The following MEGF8 variants were observed in gnomAD, a reference collection of about 807,000 sequenced individuals.
The protein encoded by MEGF8 is multiple epidermal growth factor-like domains protein 8.
MEGF8 carries 156 observed loss-of-function variants against 302.9 expected under a neutral mutation model. The observed-to-expected ratio is 0.52, with a 90% CI of 0.45 to 0.59. MEGF8 has a LOEUF of 0.59. MEGF8 is among the 20% of genes least tolerant of loss of function. The pLI is 0.00. For missense variants in MEGF8, 3,345 were observed against 3,964.5 expected (o/e 0.84, Z 4.20); for synonymous variants, 1,621 against 1,660.5 (o/e 0.98, Z 0.58).
intron 32 of MEGF8, 69 bp from the exon 33 acceptor site, chr19:42,362,021 G>A (rs992482288): frequency 9.5e-6 from 15 of 1,582,836 alleles, no homozygotes; most frequent in Non-Finnish European, 1.3e-5. Context: ...GGGCCTGCAG[G>A]ACAGTGTCTG....
Position 42,369,504 on chromosome 19 carries a change from G to T in MEGF8, c.6642-27G>T, listed in dbSNP as rs746048052. 6.3e-7 allele frequency: 1 copy of T among 1,592,654 alleles called. No individual in the cohort carries two copies. The highest frequency in any genetic ancestry group is 1.1e-5 in the South Asian group (1 of 90,174). ...GAAGCCACGAGGAGGGTGGCCACCT[G>T]CCCTGACCCCCACTTTGCCCCTGCA... On this transcript the variant is annotated intron_variant, in intron 37 of 41. Transcript: ENST00000251268. This position sits in a 1 kb window ranked among gnomAD's most constrained non-coding sequence, Gnocchi z 5.7.
rs772336647 is a variant in MEGF8 at position 42,335,218 on chromosome 19, G to A, written c.739+3G>A. On this transcript the variant is annotated splice_donor_region_variant and intron_variant, in intron 4 of 41. Transcript: ENST00000251268. ...AGGGCTGCTGGCAGTTTTCGGAGGT[G>A]AGCAGATGGGGCGAGTATCTGGGAT... 64 of 1,613,920 alleles carry A rather than the reference G, an allele frequency of 4.0e-5. No individual in the cohort carries two copies. In the Admixed American group the frequency reaches 9.2e-4, roughly 23 times the overall value.
In MEGF8 at chr19:42,333,996, T is replaced by G; in HGVS notation, c.352-11T>G. 1 of 1,611,428 alleles carries G rather than the reference T, an allele frequency of 6.2e-7. No individual in the cohort carries two copies. The highest frequency in any genetic ancestry group is 8.5e-7 in the Non-Finnish European group (1 of 1,178,812). On this transcript the variant is annotated splice_polypyrimidine_tract_variant and intron_variant, in intron 2 of 41. Transcript: ENST00000251268. ...CCTGCCCACCTTACCCAGCACACCT[T>G]GTGCCCGCAGATGCTGCTGCACCTC...
At chr19:42,349,815 C>A in intron 14 of MEGF8, 116 bp downstream of exon 14, 2 of 1,124,634 alleles carry the variant, frequency 1.8e-6, no homozygotes, top group Non-Finnish European at 1.3e-6. Flanking sequence ...CCTCGGACTC[C>A]TTAACTCTTG....
Position 42,370,730 on chromosome 19 carries a change from T to C in MEGF8, c.7035T>C (p.Ser2345=), listed in dbSNP as rs1228504629. Residue 2345 remains serine (S), a synonymous_variant, in exon 40 of 42, where the codon AGT becomes AGC. Transcript: ENST00000251268. The part of the protein sequence containing the change: ...EIENWVTEGP[S]EDEAVCVNCQ... ...AAAACTGGGTGACAGAGGGTCCTAG[T>C]GAAGACGAGGCCGTGTGCGTGAACT... 6.9e-6 allele frequency: 11 copies of C among 1,590,756 alleles called. No individual in the cohort carries two copies. Among genetic ancestry groups the C allele is most frequent in the Non-Finnish European group, 8.6e-6 (10 of 1,168,722 alleles).
Position 42,351,736 on chromosome 19 carries a change from A to G in MEGF8, c.3076A>G (p.Asn1026Asp). The change falls in exon 18 of 42, where the codon AAT becomes GAT. Residue 1026 changes from asparagine to aspartate, a missense_variant. Coordinates refer to ENST00000251268, the MANE Select transcript of MEGF8 (RefSeq NM_001271938.2). The surrounding 1 kb of genome is among the most constrained non-coding windows in gnomAD (Gnocchi z 5.6). ...GAGCCACGAGTGTGGCTGGTGTGGCAATGAGGACAACCCCACACTGGGACG... is the reference window on the plus strand; with the variant it reads ...GAGCCACGAGTGTGGCTGGTGTGGCGATGAGGACAACCCCACACTGGGACG... ...LQSHECGWCG[N>D]EDNPTLGRCL... The G allele has an allele frequency of 6.3e-7, 1 of 1,583,018 alleles. No individual in the cohort carries two copies. The highest frequency in any genetic ancestry group is 8.6e-7 in the Non-Finnish European group (1 of 1,165,800).
Position 42,377,326 on chromosome 19 carries a change from A to T in MEGF8, c.*551A>T, listed in dbSNP as rs2039783151. 1 of 153,064 alleles carries T rather than the reference A, an allele frequency of 6.5e-6. No homozygotes were observed. The highest frequency in any genetic ancestry group is 1.5e-5 in the Non-Finnish European group (1 of 68,360). 9.5% of individuals were successfully genotyped at this position (153,064 alleles called of 1,614,324 possible). A position where few individuals can be genotyped will look rare whatever the true frequency, so the allele number is the denominator to read the frequency against. On this transcript the variant is annotated 3_prime_UTR_variant, in exon 42 of 42. Transcript: ENST00000251268. ...TTATTGGAAGGACCAGAAAACTGGTAAGTGTGACCCAGATCAAGTGTGAGG... is the reference window on the plus strand; with the variant it reads ...TTATTGGAAGGACCAGAAAACTGGTTAGTGTGACCCAGATCAAGTGTGAGG...
rs1307542625 is a variant in MEGF8 at position 42,351,211 on chromosome 19, C to T, written c.2737-5C>T. 2 of 1,555,760 alleles carry T rather than the reference C, an allele frequency of 1.3e-6. No homozygotes were observed. The highest frequency in any genetic ancestry group is 1.7e-6 in the Non-Finnish European group (2 of 1,149,702). On this transcript the variant is annotated splice_polypyrimidine_tract_variant and splice_region_variant and intron_variant, in intron 15 of 41. Transcript: ENST00000251268. The surrounding 1 kb of genome is among the most constrained non-coding windows in gnomAD (Gnocchi z 5.6). ...TTCTGACTCCTCTGCCCAACTGACC[C>T]CCAGGACCCCTTCTGTGAGTGGCAT... is the stretch of plus-strand genomic sequence containing the variant.
chr19:42,368,490 G>T lies in MEGF8; in HGVS notation c.6309G>T (p.Met2103Ile). Residue 2103 changes from methionine to isoleucine, a missense_variant, in exon 36 of 42, where the codon ATG (methionine) becomes ATT (isoleucine). Physicochemically the swap from Met to Ile is conservative, Grantham distance 10. Transcript: ENST00000251268. The surrounding 1 kb of genome is among the most constrained non-coding windows in gnomAD (Gnocchi z 4.9). ...CTTCCTACCTGCCCCTGCGATGTAT[G>T]GCCGGAGGCTGTGGGCGGCTGCTCC... ...LSPSYLPLRCMAGGCGRLLRG... is the reference protein window; with the variant it reads ...LSPSYLPLRCIAGGCGRLLRG... 6.2e-7 allele frequency: 1 copy of T among 1,610,084 alleles called. No individual in the cohort carries two copies. The highest frequency in any genetic ancestry group is 2.2e-5 in the East Asian group (1 of 44,776).
At chr19:42,362,627 G>C (rs1313477544) in intron 34 of MEGF8, 30 bp downstream of exon 34, 20 of 1,604,606 alleles carry the variant, frequency 1.2e-5, no homozygotes, top group Non-Finnish European at 1.7e-5. Flanking sequence ...CCTGAGAGGG[G>C]AGTCTTGGGG....
chr19:42,355,203 C>T (rs2039433533), intron 23 of MEGF8, among the ~76,000 whole-genome samples: 1 of 152,156 alleles, frequency 6.6e-6, no homozygotes, highest in South Asian at 2.1e-4. Context: ...GTGATTCGCC[C>T]ACCTTGGCCT....
chr19:42,358,336 T>C lies in MEGF8; in HGVS notation c.5175+29T>C, dbSNP rs768359862. 6.3e-7 allele frequency: 1 copy of C among 1,577,382 alleles called. No homozygotes were observed. The highest frequency in any genetic ancestry group is 8.6e-7 in the Non-Finnish European group (1 of 1,163,786). ...AGGAAAAGAGGCTCAGACCCAAGGA[T>C]GTATGGGGCAGGAGGGAGGGGTCCT... is the stretch of plus-strand genomic sequence containing the variant. On this transcript the variant is annotated intron_variant, in intron 29 of 41. Coordinates refer to ENST00000251268, the MANE Select transcript of MEGF8 (RefSeq NM_001271938.2). The surrounding 1 kb of genome is among the most constrained non-coding windows in gnomAD (Gnocchi z 4.4).
At position 42,353,872 on chromosome 19, in the gene MEGF8, C is replaced by T. The variant is rs758241653; in HGVS notation, c.3859C>T (p.Pro1287Ser). 1.2e-6 allele frequency: 2 copies of T among 1,600,870 alleles called. No homozygotes were observed. The highest frequency in any genetic ancestry group is 1.1e-5 in the South Asian group (1 of 89,152). The change falls in exon 22 of 42, where the codon CCT (proline) becomes TCT (serine). Residue 1287 changes from proline (P) to serine (S), a missense_variant. Transcript: ENST00000251268. This position sits in a 1 kb window ranked among gnomAD's most constrained non-coding sequence, Gnocchi z 6.1. ...CTCACGCCGGGTCGGGGGGCTGCTG[C>T]CTCCAGGTGGCGGGGCTGCAAGAGC... The part of the protein sequence containing the change: ...LGSRRVGGLL[P>S]PGGGAARAGP...
At chr19:42,373,324 C>G (rs975972651) in intron 41 of MEGF8, among the ~76,000 whole-genome samples, 3 of 151,960 alleles carry the variant, frequency 2.0e-5, no homozygotes, top group African/African-American at 7.2e-5. Flanking sequence ...ATCTCTTAAC[C>G]TTGTGATCTG....
chr19:42,369,517 C>G lies in MEGF8; in HGVS notation c.6642-14C>G. The G allele has an allele frequency of 6.3e-7, 1 of 1,598,772 alleles. No homozygotes were observed. The highest frequency in any genetic ancestry group is 8.5e-7 in the Non-Finnish European group (1 of 1,174,508). ...GGGTGGCCACCTGCCCTGACCCCCA[C>G]TTTGCCCCTGCAGCATGACAGGGCT... On this transcript the variant is annotated splice_polypyrimidine_tract_variant and intron_variant, in intron 37 of 41. Coordinates refer to ENST00000251268, the MANE Select transcript of MEGF8 (RefSeq NM_001271938.2). The surrounding 1 kb of genome is among the most constrained non-coding windows in gnomAD (Gnocchi z 5.7).
Position 42,353,734 on chromosome 19 carries a change from G to A in MEGF8, c.3762-41G>A, listed in dbSNP as rs375633772. On this transcript the variant is annotated intron_variant, in intron 21 of 41. Coordinates refer to ENST00000251268, the MANE Select transcript of MEGF8 (RefSeq NM_001271938.2). The surrounding 1 kb of genome is among the most constrained non-coding windows in gnomAD (Gnocchi z 6.1). ...TGTGCTTGGGGACACAGTGGGGAGG[G>A]TCAGGACTGGTCTGACACTGGCTCT... 2.7e-5 allele frequency: 43 copies of A among 1,577,814 alleles called. No homozygotes were observed. The highest frequency in any genetic ancestry group is 1.5e-4 in the Admixed American group (9 of 58,392).
rs141144661 is a variant in MEGF8 at position 42,368,115 on chromosome 19, A to G, written c.6274-340A>G. On this transcript the variant is annotated intron_variant, in intron 35 of 41. Coordinates refer to ENST00000251268, the MANE Select transcript of MEGF8 (RefSeq NM_001271938.2). The surrounding 1 kb of genome is among the most constrained non-coding windows in gnomAD (Gnocchi z 4.9). ...TTATATTTTGTAGAGATGGTGTCTC[A>G]CTGTGCTGCCCAGGCTGGTCTGGAA... Among the ~76,000 whole-genome samples the G allele has an allele frequency of 9.9e-5, 15 of 152,166 alleles. No homozygotes were observed. The East Asian group carries it at 2.9e-3, about 29-fold the overall frequency.
chr19:42,337,452 G>A (rs1323534003), intron 8 of MEGF8, among the ~76,000 whole-genome samples: 1 of 152,138 alleles, frequency 6.6e-6, no homozygotes, highest in East Asian at 1.9e-4. Flanking sequence ...AGCTGCCCCA[G>A]GGAAATGCCT....
rs771136518 is a variant in MEGF8 at position 42,368,986 on chromosome 19, G to A, written c.6625G>A (p.Gly2209Ser). ...PHGYECSCKTGYTMDNMTGLC... is the reference protein window; with the variant it reads ...PHGYECSCKTSYTMDNMTGLC... ...CGGCTATGAGTGCAGCTGCAAGACCGGCTATACCATGGACAAGTGAGGCCG... is the reference window on the plus strand; with the variant it reads ...CGGCTATGAGTGCAGCTGCAAGACCAGCTATACCATGGACAAGTGAGGCCG... Residue 2209 changes from glycine (G) to serine (S), a missense_variant, in exon 37 of 42, where the codon GGC (glycine) becomes AGC (serine). Physicochemically the swap from Gly to Ser is moderately conservative, Grantham distance 56. Coordinates refer to ENST00000251268, the MANE Select transcript of MEGF8 (RefSeq NM_001271938.2). This position sits in a 1 kb window ranked among gnomAD's most constrained non-coding sequence, Gnocchi z 4.9. The A allele has an allele frequency of 5.0e-6, 8 of 1,613,468 alleles. No homozygotes were observed. Among genetic ancestry groups the A allele is most frequent in the Non-Finnish European group, 5.9e-6 (7 of 1,179,872 alleles).
Sources: allele counts gnomAD v4.1 joint callset (sites outside exome capture counted in the v4.1 genomes callset), GRCh38; gene constraint gnomAD v4.1.1; non-coding constraint Gnocchi (gnomAD v3.1); transcripts MANE v1.5; gene names NCBI Gene and HGNC (gene_info 2026-07-23, HGNC 2026-07-21).